Variants in RBM33 observed in about 807,000 individuals in gnomAD.
RBM33 encodes the protein RNA binding motif protein 33, also known as RNA-binding protein 33.
A neutral mutation model predicts 132.6 loss-of-function variants in RBM33; 28 were observed. The ratio of observed to expected loss-of-function variants is 0.21; its 90% CI spans 0.16 to 0.29. The LOEUF is 0.29. RBM33 is among the 10% of genes least tolerant of loss of function. The pLI is 1.00. For missense variants in RBM33, 1,291 were observed against 1,518.5 expected (o/e 0.85, Z 2.49); for synonymous variants, 634 against 593.0 (o/e 1.07, Z -1.01).
intron 1 of RBM33, among the ~76,000 whole-genome samples, chr7:155,663,209 C>A (rs76069199): frequency 7.0e-6 from 1 of 143,718 alleles, no homozygotes; most frequent in African/African-American, 2.7e-5. Flanking sequence ...TTCTTTCTTT[C>A]TTTTTTTTTT....
chr7:155,675,275 C>T (rs1157235260), intron 3 of RBM33, among the ~76,000 whole-genome samples: 1 of 133,138 alleles, frequency 7.5e-6, no homozygotes, highest in Non-Finnish European at 1.5e-5. Context: ...GCCTGGGAGA[C>T]GGAGTGAGAC....
intron 5 of RBM33, among the ~76,000 whole-genome samples, chr7:155,696,623 T>C (rs1461534667): frequency 6.6e-6 from 1 of 152,268 alleles, no homozygotes; most frequent in Admixed American, 6.5e-5. Flanking sequence ...TTGAATTTTG[T>C]TGATGCTTCT....
intron 9 of RBM33, among the ~76,000 whole-genome samples, chr7:155,727,267 C>T (rs1196337561): frequency 6.6e-6 from 1 of 152,150 alleles, no homozygotes; most frequent in African/African-American, 2.4e-5. Flanking sequence ...GGGAGCTCCC[C>T]CCACCCATCC....
Position 155,700,813 on chromosome 7 carries a change from A to G in RBM33, c.608A>G (p.Glu203Gly). The G allele has an allele frequency of 3.8e-6, 6 of 1,588,726 alleles. No individual in the cohort carries two copies. Among genetic ancestry groups the G allele is most frequent in the Non-Finnish European group, 5.1e-6 (6 of 1,166,666 alleles). The change falls in exon 6 of 18, where the codon GAA becomes GGA. Residue 203 changes from glutamate to glycine, a missense_variant. Around this residue, in one of 7 missense-constraint regions of RBM33, gnomAD observed 194 missense variants for 249.8 expected, o/e 0.78. Coordinates refer to ENST00000401878, the MANE Select transcript of RBM33 (RefSeq NM_053043.3). ...ETLELQKDIK[E>G]ESDEEEEDDE... ...TTGGAACTTCAAAAGGACATCAAAG[A>G]AGAATCAGATGAAGAAGAAGAAGAT...
intron 9 of RBM33, among the ~76,000 whole-genome samples, chr7:155,737,155 C>T (rs1057260893): frequency 6.6e-6 from 1 of 152,156 alleles, no homozygotes; most frequent in South Asian, 2.1e-4. Flanking sequence ...GTATTCAGTA[C>T]AGTAACATGC....
At chr7:155,685,189 T>C (rs1799443064) in intron 5 of RBM33, 11 of 857,018 alleles carry the variant, frequency 1.3e-5, no homozygotes, top group South Asian at 5.5e-5. Flanking sequence ...ACTTGAACTT[T>C]CTAGGCTCCT....
At chr7:155,705,682 G>T (rs558044539) in intron 6 of RBM33, among the ~76,000 whole-genome samples, 1 of 152,308 alleles carries the variant, frequency 6.6e-6, no homozygotes, top group Admixed American at 6.5e-5. Flanking sequence ...AAGATCTGTT[G>T]TCCCAATTTA....
chr7:155,658,525 T>C (rs1297276329), intron 1 of RBM33, among the ~76,000 whole-genome samples: 2 of 151,818 alleles, frequency 1.3e-5, no homozygotes, highest in Admixed American at 6.6e-5. Flanking sequence ...CTCAGTCTCC[T>C]GAGTAGCTGG....
intron 8 of RBM33, among the ~76,000 whole-genome samples, chr7:155,714,139 G>C (rs1800390291): frequency 6.6e-6 from 1 of 152,054 alleles, no homozygotes; most frequent in African/African-American, 2.4e-5. Context: ...TTTGAGGTGA[G>C]GGCAGTCAGC....
chr7:155,775,449 C>T lies in RBM33; in HGVS notation c.*408C>T, dbSNP rs2117090176. 1 of 315,500 alleles carries T rather than the reference C, an allele frequency of 3.2e-6. No homozygotes were observed. The highest frequency in any genetic ancestry group is 7.4e-5 in the East Asian group (1 of 13,540). The allele number at this position is 315,500 out of a possible 1,614,324, so 19.5% of individuals were successfully genotyped here. A position where few individuals can be genotyped will look rare whatever the true frequency, so the allele number is the denominator to read the frequency against. ...CAAAGAATATTTGATAATGGTTGCACTTATCTTCAGTGCAGGTTAGAAGAG... is the reference window on the plus strand; with the variant it reads ...CAAAGAATATTTGATAATGGTTGCATTTATCTTCAGTGCAGGTTAGAAGAG... On this transcript the variant is annotated 3_prime_UTR_variant, in exon 18 of 18. Transcript: ENST00000401878.
At chr7:155,755,316 A>G (rs1801814956) in intron 14 of RBM33, among the ~76,000 whole-genome samples, 1 of 152,222 alleles carries the variant, frequency 6.6e-6, no homozygotes, top group South Asian at 2.1e-4. Context: ...TGACAATGTT[A>G]TCTGTCCTCT....
In RBM33 at chr7:155,777,443, T is replaced by C. The variant is rs1182261186; in HGVS notation, c.*2402T>C. 6.6e-6 allele frequency: 1 copy of C among 152,060 alleles called. No homozygotes were observed. Among genetic ancestry groups the C allele is most frequent in the Non-Finnish European group, 1.5e-5 (1 of 68,018 alleles). The allele number at this position is 152,060 out of a possible 1,614,324, so 9.4% of individuals were successfully genotyped here. ...AAAATGGATTCTTAGTACCAGACAA[T>C]CCCAGTAATGAAGGTTTAGTTTCCT... On this transcript the variant is annotated 3_prime_UTR_variant, in exon 18 of 18. Coordinates refer to ENST00000401878, the MANE Select transcript of RBM33 (RefSeq NM_053043.3).
chr7:155,670,791 C>G (rs1162443068), intron 2 of RBM33, among the ~76,000 whole-genome samples: 1 of 152,166 alleles, frequency 6.6e-6, no homozygotes, highest in African/African-American at 2.4e-5. Flanking sequence ...CCACTGTCCC[C>G]CATCCTGTTT....
chr7:155,779,581 T>G lies in RBM33; in HGVS notation c.*4540T>G, dbSNP rs1283723881. 1 of 152,216 alleles carries G rather than the reference T, an allele frequency of 6.6e-6. No individual in the cohort carries two copies. Among genetic ancestry groups the G allele is most frequent in the African/African-American group, 2.4e-5 (1 of 41,448 alleles). 9.4% of individuals were successfully genotyped at this position (152,216 alleles called of 1,614,324 possible). On this transcript the variant is annotated 3_prime_UTR_variant, in exon 18 of 18. Transcript: ENST00000401878. ...AAGGTTTTTTTGCAACCTATTTAATTTTTTTTAAATGCCTAACTTCTGAGG... is the reference window on the plus strand; with the variant it reads ...AAGGTTTTTTTGCAACCTATTTAATGTTTTTTAAATGCCTAACTTCTGAGG...
intron 6 of RBM33, chr7:155,701,181 A>AG: frequency 3.6e-6 from 2 of 549,886 alleles, no homozygotes; most frequent in Non-Finnish European, 3.2e-6. Flanking sequence ...TAATTAAAAA[A>AG]AATTTTTTTT....
At chr7:155,721,591 T>C (rs1160692827) in intron 9 of RBM33, among the ~76,000 whole-genome samples, 1 of 152,212 alleles carries the variant, frequency 6.6e-6, no homozygotes, top group Non-Finnish European at 1.5e-5. Context: ...TTAAAGGCTG[T>C]ATGATACATT....
intron 7 of RBM33, among the ~76,000 whole-genome samples, chr7:155,710,497 A>G (rs1031996953): frequency 1.3e-5 from 2 of 151,828 alleles, no homozygotes; most frequent in Admixed American, 6.6e-5. Context: ...TAAAATAACC[A>G]CCCTCGAATT....
chr7:155,690,596 T>C (rs534977960), intron 5 of RBM33, among the ~76,000 whole-genome samples: 21 of 152,332 alleles, frequency 1.4e-4, no homozygotes, highest in African/African-American at 5.1e-4. Context: ...GTTTTTGCAG[T>C]GGCTGGTACC....
intron 1 of RBM33, among the ~76,000 whole-genome samples, chr7:155,660,368 C>T (rs6969565): frequency 0.64 from 97,864 of 152,152 alleles, 32,373 homozygotes; most frequent in South Asian, 0.76. Context: ...CTATGCTCGG[C>T]CTTGTTTCTA....
Sources: gnomAD v4.1 joint callset for allele counts (sites outside exome capture counted in the v4.1 genomes callset) on GRCh38, gnomAD v4.1.1 for gene constraint, gnomAD v4.1.1 regional missense constraint, MANE v1.5 for transcripts, NCBI Gene and HGNC (gene_info 2026-07-23, HGNC 2026-07-21) for gene names.